The following ABAT variants were observed in gnomAD, a reference collection of about 807,000 sequenced individuals.
ABAT encodes 4-aminobutyrate aminotransferase, also known as 4-aminobutyrate aminotransferase, mitochondrial.
Under a neutral mutation model 64.6 loss-of-function variants are expected in ABAT, and 45 were observed. The observed-to-expected ratio is 0.70, with a 90% CI of 0.55 to 0.89. The LOEUF is 0.89. Ranked by LOEUF, ABAT falls within the 40% of genes least tolerant of loss-of-function variation. The pLI is 0.00. For missense variants in ABAT, 633 were observed against 658.4 expected (o/e 0.96, Z 0.42); for synonymous variants, 297 against 250.5 (o/e 1.19, Z -1.75).
intron 1 of ABAT, among the ~76,000 whole-genome samples, chr16:8,711,877 T>A (rs4984995): frequency 8.6e-5 from 13 of 151,642 alleles, no homozygotes; most frequent in Non-Finnish European, 1.6e-4. Flanking sequence ...GAAGGATAGA[T>A]GGATGAATGA....
chr16:8,735,685 C>T lies in ABAT; in HGVS notation c.-41-14C>T, dbSNP rs1329059105. The T allele has an allele frequency of 1.3e-6, 2 of 1,554,166 alleles. No individual in the cohort carries two copies. Among genetic ancestry groups the T allele is most frequent in the East Asian group, 4.8e-5 (2 of 41,968 alleles). On this transcript the variant is annotated splice_polypyrimidine_tract_variant and intron_variant, in intron 1 of 15. Coordinates refer to ENST00000268251, the MANE Select transcript of ABAT (RefSeq NM_020686.6). ...TCTTCATGGGCCTAAGTCTGCATTTCTGGTTTCTTTCAGGGTGGCAGCACG... is the reference window on the plus strand; with the variant it reads ...TCTTCATGGGCCTAAGTCTGCATTTTTGGTTTCTTTCAGGGTGGCAGCACG...
Position 8,735,369 on chromosome 16 carries a change from A to G in ABAT, c.-41-330A>G, listed in dbSNP as rs568138267. 1.9e-3 allele frequency among the ~76,000 whole-genome samples: 291 copies of G among 151,988 alleles called. 2 individuals carry two copies. Among genetic ancestry groups the G allele is most frequent in the African/African-American group, 6.8e-3 (280 of 41,440 alleles). On this transcript the variant is annotated intron_variant, in intron 1 of 15. Coordinates refer to ENST00000268251, the MANE Select transcript of ABAT (RefSeq NM_020686.6). ...TGGGCTCAAGCGATCCTACCACATCAGCCTCCTGAGTAGCTGGGACTATAG... is the reference window on the plus strand; with the variant it reads ...TGGGCTCAAGCGATCCTACCACATCGGCCTCCTGAGTAGCTGGGACTATAG...
chr16:8,735,268 T>C (rs2058885679), intron 1 of ABAT, among the ~76,000 whole-genome samples: 1 of 152,110 alleles, frequency 6.6e-6, no homozygotes, highest in Non-Finnish European at 1.5e-5. Context: ...TTGGTTTTTT[T>C]TGAGACAGGG....
intron 1 of ABAT, among the ~76,000 whole-genome samples, chr16:8,725,965 T>A (rs537741143): frequency 6.6e-6 from 1 of 152,164 alleles, no homozygotes; most frequent in Non-Finnish European, 1.5e-5. Context: ...AGCATCTCAT[T>A]GACATGCTGA....
chr16:8,752,343 G>C (rs568348049), intron 5 of ABAT, among the ~76,000 whole-genome samples: 1 of 152,262 alleles, frequency 6.6e-6, no homozygotes, highest in South Asian at 2.1e-4. Context: ...TCAAATCCTG[G>C]CTCTACTATA....
rs1567296259 is a variant in ABAT at position 8,738,617 on chromosome 16, T to TTTTG, written c.70+2811_70+2812insGTTT. Among the ~76,000 whole-genome samples the TTTTG allele has an allele frequency of 6.2e-4, 72 of 116,750 alleles. 2 individuals are homozygous for TTTTG. In the South Asian group the frequency reaches 0.015, roughly 25 times the overall value. 76.6% of individuals were successfully genotyped at this position (116,750 alleles called of 152,430 possible). On this transcript the variant is annotated intron_variant, in intron 2 of 15. Coordinates refer to ENST00000268251, the MANE Select transcript of ABAT (RefSeq NM_020686.6). ...TTTTTCTTTTTTGTTTTTGTTTTTG[T>TTTTG]TTTTGTTTTTGTTTTTTTTTTGGTG...
chr16:8,711,257 C>T (rs891056001), intron 1 of ABAT, among the ~76,000 whole-genome samples: 7 of 152,130 alleles, frequency 4.6e-5, no homozygotes, highest in African/African-American at 1.7e-4. Context: ...GATAAAAATT[C>T]AGTGTGGAGA....
At chr16:8,780,762 C>CT (rs202072468) in intron 15 of ABAT, 57 of 155,444 alleles carry the variant, frequency 3.7e-4, no homozygotes, top group Admixed American at 4.8e-4. Context: ...GACTCCATCT[C>CT]TAAAAAAAAA....
intron 8 of ABAT, chr16:8,765,883 C>A: frequency 3.0e-6 from 1 of 329,824 alleles, no homozygotes; most frequent in Non-Finnish European, 5.9e-6. Flanking sequence ...CTTAGCCACC[C>A]AAAGTACTAG....
intron 6 of ABAT, 123 bp downstream of exon 6, chr16:8,757,929 C>G: frequency 8.8e-7 from 1 of 1,137,846 alleles, no homozygotes; most frequent in East Asian, 2.5e-5. Context: ...TGTATTGAGC[C>G]CATACTATGT....
chr16:8,766,167 C>G, intron 8 of ABAT, 41 bp from the exon 9 acceptor site: 1 of 1,584,914 alleles, frequency 6.3e-7, no homozygotes, highest in Non-Finnish European at 8.7e-7. Context: ...CCCGACTACC[C>G]CAGAGCATCT....
At chr16:8,732,504 C>T (rs1332975384) in intron 1 of ABAT, among the ~76,000 whole-genome samples, 2 of 151,426 alleles carry the variant, frequency 1.3e-5, no homozygotes, top group East Asian at 1.9e-4. Context: ...CCTGAGTGGA[C>T]ACAGCACATG....
At chr16:8,707,565 C>A (rs898959777) in intron 1 of ABAT, among the ~76,000 whole-genome samples, 1 of 151,952 alleles carries the variant, frequency 6.6e-6, no homozygotes, top group Non-Finnish European at 1.5e-5. Flanking sequence ...AAGCTGATGA[C>A]CATGTAATTG....
chr16:8,734,004 G>A (rs1048289030), intron 1 of ABAT, among the ~76,000 whole-genome samples: 4 of 149,420 alleles, frequency 2.7e-5, no homozygotes, highest in African/African-American at 1.0e-4. Flanking sequence ...ATTCCACTCT[G>A]TGGATACAGC....
At chr16:8,723,827 A>ATTTTT (rs1157410078) in intron 1 of ABAT, among the ~76,000 whole-genome samples, 4 of 40,358 alleles carry the variant, frequency 9.9e-5, no homozygotes, top group African/African-American at 2.2e-4. Flanking sequence ...ATATATATAT[A>ATTTTT]TTTTTTTTTT....
chr16:8,763,251 C>A (rs889946310), intron 6 of ABAT, among the ~76,000 whole-genome samples: 9 of 152,118 alleles, frequency 5.9e-5, no homozygotes, highest in African/African-American at 2.2e-4. Context: ...TGTGGTTCTG[C>A]CCCTTCTTGG....
intron 1 of ABAT, among the ~76,000 whole-genome samples, chr16:8,717,796 A>G (rs1455968008): frequency 6.6e-6 from 1 of 152,116 alleles, no homozygotes; most frequent in Non-Finnish European, 1.5e-5. Flanking sequence ...TAATTTAAGA[A>G]TTAAATTAAA....
At chr16:8,754,663 TTTATTTA>T (rs1363396505) in intron 5 of ABAT, among the ~76,000 whole-genome samples, 3,765 of 22,196 alleles carry the variant, frequency 0.17, 80 homozygotes, top group South Asian at 0.34. Flanking sequence ...AGCAAGTTGA[TTTATTTA>T]TTTCTTTCTT....
intron 12 of ABAT, among the ~76,000 whole-genome samples, chr16:8,774,546 A>C (rs1396232389): frequency 6.6e-6 from 1 of 152,098 alleles, no homozygotes; most frequent in African/African-American, 2.4e-5. Flanking sequence ...TCGAGGCCTC[A>C]CTGTTGGACA....
Sources: gnomAD v4.1 joint callset for allele counts (sites outside exome capture counted in the v4.1 genomes callset) on GRCh38, gnomAD v4.1.1 for gene constraint, MANE v1.5 for transcripts, NCBI Gene and HGNC (gene_info 2026-07-23, HGNC 2026-07-21) for gene names.